LAMP1: variants seen among roughly 807,000 people sequenced by gnomAD.
LAMP1 encodes the protein lysosome associated membrane protein 1.
A neutral mutation model predicts 37.5 loss-of-function variants in LAMP1; 7 were observed. The observed-to-expected ratio is 0.19, with a 90% CI of 0.11 to 0.35. LAMP1 has a LOEUF of 0.35. LAMP1 is among the 10% of genes least tolerant of loss of function. The probability of loss-of-function intolerance (pLI) is 1.00; values close to 1 mark genes in which losing one functional copy is unlikely to be tolerated. For missense variants in LAMP1, 537 were observed against 552.8 expected (o/e 0.97, Z 0.29); for synonymous variants, 236 against 229.1 (o/e 1.03, Z -0.27).
intron 1 of LAMP1, among the ~76,000 whole-genome samples, chr13:113,304,504 C>T (rs961572679): frequency 1.3e-4 from 20 of 152,212 alleles, no homozygotes; most frequent in African/African-American, 4.6e-4. Context: ...GTAGAATCTT[C>T]CCTAGATTCT....
rs55898120 is a variant in LAMP1, at chr13:113,310,785, G to C, written c.480G>C (p.Gln160His). 13 of 1,613,620 alleles carry C rather than the reference G, an allele frequency of 8.1e-6. No individual in the cohort carries two copies. The highest frequency in any genetic ancestry group is 1.1e-5 in the Non-Finnish European group (13 of 1,179,850). Residue 160 changes from glutamine to histidine, a missense_variant, in exon 4 of 9, where the codon CAG becomes CAC. Physicochemically the swap from Gln to His is conservative, Grantham distance 24. Coordinates refer to ENST00000332556, the MANE Select transcript of LAMP1 (RefSeq NM_005561.4). ...DKKYRCVSGT[Q>H]VHMNNVTVTL... ...AATACAGATGTGTTAGTGGCACCCA[G>C]GTCCACATGAACAACGTGACCGTAA...
intron 1 of LAMP1, among the ~76,000 whole-genome samples, chr13:113,298,283 G>T (rs2042553126): frequency 6.6e-6 from 1 of 152,162 alleles, no homozygotes. Context: ...CAGATGGGCA[G>T]TAGGTGCTCA....
chr13:113,320,516 A>G lies in LAMP1; in HGVS notation c.876+46A>G. ...CTCTGGGGGCGCCCACTGTGTCTCC[A>G]CCACATCTTTTTGTGCCCTGGGTCT... On this transcript the variant is annotated intron_variant, in intron 6 of 8. Transcript: ENST00000332556. This position sits in a 1 kb window ranked among gnomAD's most constrained non-coding sequence, Gnocchi z 4.4. 1 of 1,586,372 alleles carries G rather than the reference A, an allele frequency of 6.3e-7. No homozygotes were observed. Among genetic ancestry groups the G allele is most frequent in the Non-Finnish European group, 8.6e-7 (1 of 1,168,764 alleles).
intron 4 of LAMP1, 51 bp from the exon 5 acceptor site, chr13:113,319,418 C>T (rs1278104510): frequency 4.0e-6 from 6 of 1,492,864 alleles, no homozygotes; most frequent in Middle Eastern, 1.8e-4. Flanking sequence ...ACTGTAACTG[C>T]TGATGGTTAT....
intron 3 of LAMP1, among the ~76,000 whole-genome samples, chr13:113,310,293 C>T (rs897659754): frequency 2.0e-4 from 30 of 150,632 alleles, no homozygotes; most frequent in African/African-American, 6.4e-4. Flanking sequence ...TTTGGGAGGC[C>T]GAGGCGGGCA....
chr13:113,314,284 G>A (rs1194566365), intron 4 of LAMP1, among the ~76,000 whole-genome samples: 33 of 134,398 alleles, frequency 2.5e-4, no homozygotes, highest in African/African-American at 9.8e-4. Flanking sequence ...GGGAGTCAGT[G>A]TGGAGATGTC....
chr13:113,300,927 G>A (rs1338061733), intron 1 of LAMP1, among the ~76,000 whole-genome samples: 6 of 152,214 alleles, frequency 3.9e-5, no homozygotes, highest in Admixed American at 3.9e-4. Flanking sequence ...AGGTCAGAAT[G>A]TCTTTGTAGC....
chr13:113,310,201 C>T (rs1156698293), intron 3 of LAMP1, among the ~76,000 whole-genome samples: 2 of 151,562 alleles, frequency 1.3e-5, no homozygotes, highest in East Asian at 3.9e-4. Flanking sequence ...TGCACTCCAG[C>T]CTAGGCGACC....
chr13:113,310,981 G>A, intron 4 of LAMP1, 114 bp downstream of exon 4: 2 of 848,036 alleles, frequency 2.4e-6, no homozygotes, highest in Non-Finnish European at 3.7e-6. Context: ...TGGAACGCGT[G>A]TGCACACAGC....
chr13:113,299,340 C>T (rs1396029643), intron 1 of LAMP1, among the ~76,000 whole-genome samples: 1 of 151,398 alleles, frequency 6.6e-6, no homozygotes, highest in Non-Finnish European at 1.5e-5. Flanking sequence ...CCTCGGCTCA[C>T]TACAACTTCT....
intron 4 of LAMP1, among the ~76,000 whole-genome samples, chr13:113,317,270 C>G (rs1595462974): frequency 6.6e-6 from 1 of 152,180 alleles, no homozygotes; most frequent in South Asian, 2.1e-4. Flanking sequence ...AGGGCACTCT[C>G]CAGTGCGTTC....
intron 4 of LAMP1, among the ~76,000 whole-genome samples, chr13:113,316,092 G>C (rs115022996): frequency 0.026 from 4,002 of 152,186 alleles, 180 homozygotes; most frequent in African/African-American, 0.091. Flanking sequence ...GACAGAGTGA[G>C]ATTCCATCTC....
intron 2 of LAMP1, among the ~76,000 whole-genome samples, chr13:113,308,721 A>G (rs2042613648): frequency 6.6e-6 from 1 of 152,168 alleles, no homozygotes; most frequent in Non-Finnish European, 1.5e-5. Flanking sequence ...ATGTTTCACA[A>G]GTGAGGTCAC....
Position 113,319,494 on chromosome 13 carries a change from T to A in LAMP1, c.588T>A (p.Pro196=). Residue 196 remains proline (P), a synonymous_variant, in exon 5 of 9, where the codon CCT becomes CCA. Transcript: ENST00000332556. ...AGACACGCTGTGAACAAGACAGGCCTTCCCCAACCACAGCGCCCCCTGCGC... is the reference window on the plus strand; with the variant it reads ...AGACACGCTGTGAACAAGACAGGCCATCCCCAACCACAGCGCCCCCTGCGC... ...RGETRCEQDR[P]SPTTAPPAPP... The A allele has an allele frequency of 6.2e-6, 10 of 1,613,398 alleles. No individual in the cohort carries two copies. Among genetic ancestry groups the A allele is most frequent in the Admixed American group, 1.7e-5 (1 of 59,950 alleles).
rs781688099 is a variant in LAMP1, at chr13:113,300,486, CAAAAAAAAAA to C, written c.61+3001_61+3010del. Among the ~76,000 whole-genome samples the C allele has an allele frequency of 2.8e-4, 17 of 60,278 alleles. No individual in the cohort carries two copies. The East Asian group carries it at 3.4e-3, about 12-fold the overall frequency. 39.5% of individuals were successfully genotyped at this position (60,278 alleles called of 152,430 possible). A position where few individuals can be genotyped will look rare whatever the true frequency, so the allele number is the denominator to read the frequency against. On this transcript the variant is annotated intron_variant, in intron 1 of 8. Coordinates refer to ENST00000332556, the MANE Select transcript of LAMP1 (RefSeq NM_005561.4). The stretch of plus-strand genomic sequence containing the variant: ...GGGCAACAAAATCGAAACTCAATGT[CAAAAAAAAAA>C]AAAAAAAAAGAAAAAGAAAAGAAAG...
intron 1 of LAMP1, among the ~76,000 whole-genome samples, chr13:113,301,645 ATATATATAT>A (rs1307214624): frequency 1.3e-3 from 1 of 768 alleles, no homozygotes; most frequent in African/African-American, 1.9e-3. Flanking sequence ...AAAAAAAAAA[ATATATATAT>A]ATATATATAT....
chr13:113,321,584 C>T lies in LAMP1; in HGVS notation c.971C>T (p.Ser324Phe), dbSNP rs1481826672. Residue 324 changes from serine (S) to phenylalanine (F), a missense_variant, in exon 8 of 9, where the codon TCC (serine) becomes TTC (phenylalanine). Ser to Phe is a radical substitution (Grantham distance 155). Coordinates refer to ENST00000332556, the MANE Select transcript of LAMP1 (RefSeq NM_005561.4). This position sits in a 1 kb window ranked among gnomAD's most constrained non-coding sequence, Gnocchi z 5.6. The stretch of plus-strand genomic sequence containing the variant: ...CCTGCCTTTAAAGCTGCCAACGGCT[C>T]CCTGCGAGCGCTGCAGGCCACAGTC... ...RDPAFKAANG[S>F]LRALQATVGN... 6.2e-7 allele frequency: 1 copy of T among 1,613,918 alleles called. No individual in the cohort carries two copies. Among genetic ancestry groups the T allele is most frequent in the Non-Finnish European group, 8.5e-7 (1 of 1,180,032 alleles).
intron 4 of LAMP1, among the ~76,000 whole-genome samples, chr13:113,317,268 C>T (rs2042670800): frequency 6.6e-6 from 1 of 152,174 alleles, no homozygotes; most frequent in Non-Finnish European, 1.5e-5. Flanking sequence ...GCAGGGCACT[C>T]TCCAGTGCGT....
In LAMP1 at chr13:113,320,520, C is replaced by T. The variant is rs1333234779; in HGVS notation, c.876+50C>T. ...GGGGGCGCCCACTGTGTCTCCACCA[C>T]ATCTTTTTGTGCCCTGGGTCTGCTC... On this transcript the variant is annotated intron_variant, in intron 6 of 8. Coordinates refer to ENST00000332556, the MANE Select transcript of LAMP1 (RefSeq NM_005561.4). This position sits in a 1 kb window ranked among gnomAD's most constrained non-coding sequence, Gnocchi z 4.4. 6.3e-7 allele frequency: 1 copy of T among 1,583,210 alleles called. No individual in the cohort carries two copies. Among genetic ancestry groups the T allele is most frequent in the Admixed American group, 1.7e-5 (1 of 58,516 alleles).
Sources: allele counts gnomAD v4.1 joint callset (sites outside exome capture counted in the v4.1 genomes callset), GRCh38; gene constraint gnomAD v4.1.1; non-coding constraint Gnocchi (gnomAD v3.1); transcripts MANE v1.5; gene names NCBI Gene and HGNC (gene_info 2026-07-23, HGNC 2026-07-21).